NRG3: variants seen among roughly 807,000 people sequenced by gnomAD.
The protein encoded by NRG3 is pro-neuregulin-3, membrane-bound isoform.
Under a neutral mutation model 66.9 loss-of-function variants are expected in NRG3, and 31 were observed. The ratio of observed to expected loss-of-function variants is 0.46; its 90% CI spans 0.35 to 0.63. NRG3 has a LOEUF of 0.63. NRG3 is among the 20% of genes least tolerant of loss of function. The pLI is 0.00. For missense variants in NRG3, 910 were observed against 878.9 expected, an observed-to-expected ratio of 1.04 and a Z score of -0.45; for synonymous variants, 393 against 359.4, an observed-to-expected ratio of 1.09 and a Z score of -1.06.
intron 2 of NRG3, among the ~76,000 whole-genome samples, chr10:82,489,836 A>C (rs532064953): frequency 6.6e-6 from 1 of 152,340 alleles, no homozygotes; most frequent in Non-Finnish European, 1.5e-5. Flanking sequence ...CTTAAAAAAA[A>C]GTTTTTGGAT....
At chr10:82,644,021 A>G (rs1316987034) in intron 2 of NRG3, among the ~76,000 whole-genome samples, 1 of 152,178 alleles carries the variant, frequency 6.6e-6, no homozygotes, top group Non-Finnish European at 1.5e-5. Flanking sequence ...TAATTGAGTT[A>G]TAGCAGCAGT....
chr10:82,047,456 A>G (rs2063355686), intron 1 of NRG3, among the ~76,000 whole-genome samples: 1 of 152,132 alleles, frequency 6.6e-6, no homozygotes, highest in Admixed American at 6.6e-5. Context: ...CAACATTCTT[A>G]AAGGAAAGAA....
chr10:82,978,871 G>A, intron 7 of NRG3, 79 bp from the exon 8 acceptor site: 1 of 1,453,628 alleles, frequency 6.9e-7, no homozygotes, highest in Non-Finnish European at 9.4e-7. Context: ...TGTTTGCAAA[G>A]CTTGAGCAGC....
chr10:82,211,248 G>C (rs931733476), intron 1 of NRG3, among the ~76,000 whole-genome samples: 1 of 152,110 alleles, frequency 6.6e-6, no homozygotes, highest in African/African-American at 2.4e-5. Flanking sequence ...GTCGCTGACT[G>C]CCTCTTAAGC....
chr10:82,720,806 TATAC>T lies in NRG3; in HGVS notation c.954-17767_954-17764del, dbSNP rs1227683247. On this transcript the variant is annotated intron_variant, in intron 2 of 8. Transcript: ENST00000372141. Reference sequence around the variant, plus strand: ...GTAAAACACATATATAGGAGTATTTTATACATATATATATATATATATATATATA... The same window carrying T: ...GTAAAACACATATATAGGAGTATTTTATATATATATATATATATATATATA... Among the ~76,000 whole-genome samples the T allele has an allele frequency of 1.9e-4, 9 of 46,248 alleles. 1 individual carries two copies. Among genetic ancestry groups the T allele is most frequent in the African/African-American group, 1.0e-3 (8 of 7,928 alleles). 30.3% of individuals were successfully genotyped at this position (46,248 alleles called of 152,430 possible). A position where few individuals can be genotyped will look rare whatever the true frequency, so the allele number is the denominator to read the frequency against.
chr10:82,713,837 C>A (rs1379874727), intron 2 of NRG3, among the ~76,000 whole-genome samples: 2 of 152,140 alleles, frequency 1.3e-5, no homozygotes, highest in African/African-American at 4.8e-5. Flanking sequence ...TGAAGTTTGC[C>A]ATGGATTCAA....
chr10:82,762,654 A>G (rs1455476208), intron 3 of NRG3, among the ~76,000 whole-genome samples: 1 of 152,208 alleles, frequency 6.6e-6, no homozygotes, highest in Non-Finnish European at 1.5e-5. Context: ...ATGAATGAAA[A>G]TAATAGTTAA....
In NRG3 at chr10:82,810,656, G is replaced by T. The variant is rs143355044; in HGVS notation, c.1028-54755G>T. Among the ~76,000 whole-genome samples, 5 of 151,364 alleles carry T rather than the reference G, an allele frequency of 3.3e-5. No homozygotes were observed. The South Asian group carries it at 1.0e-3, about 32-fold the overall frequency. On this transcript the variant is annotated intron_variant, in intron 3 of 8. Coordinates refer to ENST00000372141, the MANE Select transcript of NRG3 (RefSeq NM_001010848.4). The stretch of plus-strand genomic sequence containing the variant: ...TGGGTGCCTGTAATCCCAGCAACTC[G>T]GGAGGCGGAGGCAGGAGAATCACTT...
At chr10:82,861,689 G>T (rs928664517) in intron 3 of NRG3, among the ~76,000 whole-genome samples, 1 of 152,132 alleles carries the variant, frequency 6.6e-6, no homozygotes, top group Non-Finnish European at 1.5e-5. Flanking sequence ...ACAGATGACA[G>T]GCAGCCAATT....
intron 2 of NRG3, among the ~76,000 whole-genome samples, chr10:82,455,951 T>G: frequency 6.6e-6 from 1 of 152,276 alleles, no homozygotes; most frequent in East Asian, 1.9e-4. Context: ...AAATTTTATC[T>G]ATTCAATAAT....
intron 6 of NRG3, among the ~76,000 whole-genome samples, chr10:82,973,236 A>G (rs1012744182): frequency 7.2e-5 from 11 of 152,212 alleles, no homozygotes; most frequent in Non-Finnish European, 1.0e-4. Context: ...AGAAACCAAG[A>G]GTTCTGAACT....
chr10:82,813,999 G>A (rs1053877198), intron 3 of NRG3, among the ~76,000 whole-genome samples: 1 of 152,176 alleles, frequency 6.6e-6, no homozygotes, highest in African/African-American at 2.4e-5. Flanking sequence ...GAAGTTACTC[G>A]TACTCTGTGC....
intron 1 of NRG3, among the ~76,000 whole-genome samples, chr10:81,939,540 C>T (rs1312662062): frequency 6.6e-6 from 1 of 151,702 alleles, no homozygotes; most frequent in Non-Finnish European, 1.5e-5. Context: ...TTCTAGGTTT[C>T]CCCGTTGCTG....
intron 1 of NRG3, among the ~76,000 whole-genome samples, chr10:82,162,894 A>G (rs977109518): frequency 2.0e-5 from 3 of 152,158 alleles, no homozygotes; most frequent in African/African-American, 7.2e-5. Context: ...TAACTAAACC[A>G]TGTGAATCTC....
chr10:82,225,178 G>A (rs144917325), intron 1 of NRG3, among the ~76,000 whole-genome samples: 35 of 152,046 alleles, frequency 2.3e-4, no homozygotes, highest in Non-Finnish European at 3.2e-4. Context: ...GCTAATGTGG[G>A]GAAATAGAAG....
At chr10:82,096,698 T>C (rs913750481) in intron 1 of NRG3, among the ~76,000 whole-genome samples, 25 of 152,180 alleles carry the variant, frequency 1.6e-4, no homozygotes, top group Admixed American at 1.2e-3. Flanking sequence ...AATTGACTTA[T>C]TGATATGGAA....
chr10:82,795,972 T>C (rs1217114565), intron 3 of NRG3, among the ~76,000 whole-genome samples: 2 of 152,106 alleles, frequency 1.3e-5, no homozygotes, highest in East Asian at 1.9e-4. Flanking sequence ...TTCCTTTAAC[T>C]CTATTCCTCT....
intron 4 of NRG3, among the ~76,000 whole-genome samples, chr10:82,938,499 C>G: frequency 6.6e-6 from 1 of 152,234 alleles, no homozygotes; most frequent in East Asian, 1.9e-4. Context: ...CAAATAGCCA[C>G]AGGGCTCTCA....
chr10:82,972,735 G>C (rs1851884624), intron 6 of NRG3, among the ~76,000 whole-genome samples: 1 of 152,076 alleles, frequency 6.6e-6, no homozygotes, highest in African/African-American at 2.4e-5. Context: ...ATTAAGTATT[G>C]TCTGTGAATT....
Sources: gnomAD v4.1 joint callset for allele counts (sites outside exome capture counted in the v4.1 genomes callset) on GRCh38, gnomAD v4.1.1 for gene constraint, MANE v1.5 for transcripts, NCBI Gene and HGNC (gene_info 2026-07-23, HGNC 2026-07-21) for gene names.